The following GAK variants were observed in gnomAD, a reference collection of about 807,000 sequenced individuals.
The protein encoded by GAK is cyclin G associated kinase, also known as cyclin-G-associated kinase.
In GAK, 79 loss-of-function variants were observed where a neutral mutation model predicts 143.9. The observed-to-expected ratio is 0.55, with a 90% CI of 0.46 to 0.66. The LOEUF is 0.66. Ranked by LOEUF, GAK falls within the 30% of genes least tolerant of loss-of-function variation. The pLI is 0.00. For synonymous variants in GAK, 881 were observed against 765.5 expected (o/e 1.15, Z -2.49); for missense variants, 1,693 against 1,779.7 (o/e 0.95, Z 0.88).
At chr4:931,332 G>T (rs139762489) in intron 1 of GAK, among the ~76,000 whole-genome samples, 30 of 152,250 alleles carry the variant, frequency 2.0e-4, no homozygotes, top group African/African-American at 7.2e-4. Context: ...GGAATCACAC[G>T]AGTAGATGTT....
At chr4:872,086 G>A (rs766696413) in intron 18 of GAK, among the ~76,000 whole-genome samples, 3 of 152,200 alleles carry the variant, frequency 2.0e-5, no homozygotes, top group Admixed American at 6.5e-5. Flanking sequence ...GCAGGGAGAC[G>A]GGCCCGGCGG....
intron 7 of GAK, chr4:894,968 G>A (rs1718479597): frequency 6.8e-6 from 1 of 147,162 alleles, no homozygotes. Context: ...AACAAAGCGA[G>A]ACTCTGTCTC....
intron 26 of GAK, chr4:850,484 G>A (rs192153698): frequency 1.5e-4 from 30 of 200,544 alleles, no homozygotes; most frequent in South Asian, 4.0e-4. Context: ...AGAGCAGGGC[G>A]TGTCTCAGGG....
In GAK at chr4:888,633, C is replaced by T. The variant is rs1000354953; in HGVS notation, c.1205+214G>A. ...GCATCTCCTCAGCAGGGCCTTGCCC[C>T]CCAGGCGATGAAAGGAAAGGGATCT... On this transcript the variant is annotated intron_variant, in intron 11 of 27. Transcript: ENST00000314167. The T allele has an allele frequency of 8.5e-6, 5 of 587,482 alleles. No homozygotes were observed. In the East Asian group the frequency reaches 1.6e-4, roughly 19 times the overall value. 36.4% of individuals were successfully genotyped at this position (587,482 alleles called of 1,614,324 possible). A position where few individuals can be genotyped will look rare whatever the true frequency, so the allele number is the denominator to read the frequency against.
intron 11 of GAK, chr4:886,435 G>A (rs961316324): frequency 6.6e-6 from 1 of 152,206 alleles, no homozygotes; most frequent in Non-Finnish European, 1.5e-5. Flanking sequence ...AGCGTGGCCT[G>A]GAGTCCCCCA....
In GAK at chr4:904,779, C is replaced by T. The variant is rs759789619; in HGVS notation, c.383G>A (p.Gly128Glu). The change falls in exon 5 of 28, where the codon GGG becomes GAG. Residue 128 changes from glycine to glutamate, a missense_variant and splice_region_variant. By Grantham distance (98) the Gly-to-Glu change is moderately conservative. This residue lies in a region of GAK where 871 missense variants were observed against 991.0 expected (regional missense o/e 0.88). Coordinates refer to ENST00000314167, the MANE Select transcript of GAK (RefSeq NM_005255.4). ...TTTCTTCAAAAATTCCACCAGCTGCCCTAAAAGAGAATGAAACTCACATGG... is the reference window on the plus strand; with the variant it reads ...TTTCTTCAAAAATTCCACCAGCTGCTCTAAAAGAGAATGAAACTCACATGG... ...EFLLLTELCK[G>E]QLVEFLKKME... is the part of the protein sequence containing the mutation. The T allele has an allele frequency of 6.2e-7, 1 of 1,613,794 alleles. No individual in the cohort carries two copies. Among genetic ancestry groups the T allele is most frequent in the Non-Finnish European group, 8.5e-7 (1 of 1,179,842 alleles).
chr4:925,711 C>T (rs895940971), intron 1 of GAK, among the ~76,000 whole-genome samples: 1 of 152,212 alleles, frequency 6.6e-6, no homozygotes, highest in Non-Finnish European at 1.5e-5. Flanking sequence ...CACTCCCTCA[C>T]CCCTTCTGCC....
chr4:905,111 C>G (rs550882148), intron 4 of GAK, among the ~76,000 whole-genome samples: 118 of 152,280 alleles, frequency 7.7e-4, no homozygotes, highest in African/African-American at 2.8e-3. Flanking sequence ...CGGGCTACCA[C>G]TTCGTTTACA....
chr4:928,097 G>A (rs1292567535), intron 1 of GAK, among the ~76,000 whole-genome samples: 10 of 152,194 alleles, frequency 6.6e-5, no homozygotes, highest in African/African-American at 1.9e-4. Context: ...TCGCTCTGTC[G>A]TCCAGGCTGG....
At chr4:854,413 C>T (rs1748768160) in intron 24 of GAK, among the ~76,000 whole-genome samples, 1 of 152,210 alleles carries the variant, frequency 6.6e-6, no homozygotes, top group Non-Finnish European at 1.5e-5. Context: ...TTGGGTCCAC[C>T]TGTCCTCTTA....
chr4:894,094 C>G, intron 7 of GAK, 85 bp from the exon 8 acceptor site: 1 of 1,395,346 alleles, frequency 7.2e-7, no homozygotes. Context: ...GGGGTGATGC[C>G]CAGGCCCACG....
At chr4:897,817 T>C (rs1013603224) in intron 6 of GAK, among the ~76,000 whole-genome samples, 12 of 152,192 alleles carry the variant, frequency 7.9e-5, no homozygotes, top group African/African-American at 2.7e-4. Context: ...GGCGTGGTGG[T>C]GTGTGCCTGT....
At chr4:861,243 C>A (rs1750222819) in intron 23 of GAK, among the ~76,000 whole-genome samples, 1 of 152,102 alleles carries the variant, frequency 6.6e-6, no homozygotes, top group Non-Finnish European at 1.5e-5. Context: ...TTGCAAGTGT[C>A]TCACTTGAAA....
intron 21 of GAK, 137 bp downstream of exon 21, chr4:866,819 C>G: frequency 2.7e-6 from 2 of 727,572 alleles, no homozygotes; most frequent in Non-Finnish European, 4.5e-6. Context: ...GACCCCGAGG[C>G]TGCTCCTGGG....
intron 4 of GAK, 113 bp from the exon 5 acceptor site, chr4:904,892 T>G: frequency 9.2e-7 from 1 of 1,087,684 alleles, no homozygotes; most frequent in Non-Finnish European, 1.3e-6. Context: ...AACCCTGACT[T>G]TCCACACCTA....
At chr4:931,629 C>G (rs1348812950) in intron 1 of GAK, among the ~76,000 whole-genome samples, 2 of 152,152 alleles carry the variant, frequency 1.3e-5, no homozygotes, top group South Asian at 2.1e-4. Context: ...TGTCGGCCTT[C>G]TAGGCACCGT....
At chr4:929,831 C>T (rs2152986953) in intron 1 of GAK, among the ~76,000 whole-genome samples, 1 of 152,342 alleles carries the variant, frequency 6.6e-6, no homozygotes, top group African/African-American at 2.4e-5. Context: ...ACTCACTTGA[C>T]AGCAAATCCT....
chr4:889,166 C>T (rs184713927), intron 10 of GAK, among the ~76,000 whole-genome samples, 196 bp from the exon 11 acceptor site: 317 of 152,184 alleles, frequency 2.1e-3, no homozygotes, highest in African/African-American at 7.4e-3. Flanking sequence ...GGCCCCTGAC[C>T]CACACGTACC....
rs574805273 is a variant in GAK, at chr4:893,272, T to G, written c.990+105A>C. 34 of 741,362 alleles carry G rather than the reference T, an allele frequency of 4.6e-5. No individual in the cohort carries two copies. In the African/African-American group the frequency reaches 5.6e-4, roughly 12 times the overall value. 45.9% of individuals were successfully genotyped at this position (741,362 alleles called of 1,614,324 possible). On this transcript the variant is annotated intron_variant, in intron 9 of 27. Coordinates refer to ENST00000314167, the MANE Select transcript of GAK (RefSeq NM_005255.4). ...GTGCCTCCCTCCCTTCTGCAGGGGA[T>G]CTGGGGCTCACATGTGCCTCCCTCC...
Sources: gnomAD v4.1 joint callset for allele counts (sites outside exome capture counted in the v4.1 genomes callset) on GRCh38, gnomAD v4.1.1 for gene constraint, gnomAD v4.1.1 regional missense constraint, MANE v1.5 for transcripts, NCBI Gene and HGNC (gene_info 2026-07-23, HGNC 2026-07-21) for gene names.